CCDC81: variants seen among roughly 807,000 people sequenced by gnomAD.
CCDC81 encodes the protein coiled-coil domain containing 81.
CCDC81 carries 79 observed loss-of-function variants against 83.7 expected under a neutral mutation model. The observed-to-expected ratio is 0.94, with a 90% confidence interval of 0.79 to 1.14. The LOEUF is 1.14. CCDC81 is among the 50% of genes most tolerant of loss of function. CCDC81 has a pLI of 0.00. For synonymous variants in CCDC81, 252 were observed against 278.1 expected (o/e 0.91, Z 0.93); for missense variants, 791 against 778.1 (o/e 1.02, Z -0.20).
chr11:86,392,982 C>T (rs2138510793), intron 4 of CCDC81, among the ~76,000 whole-genome samples, 185 bp downstream of exon 4: 1 of 152,308 alleles, frequency 6.6e-6, no homozygotes, highest in South Asian at 2.1e-4. Flanking sequence ...GGCAAAGGAA[C>T]ATTAAGAATC....
chr11:86,419,893 A>T, intron 13 of CCDC81, 35 bp from the exon 14 acceptor site: 1 of 1,572,396 alleles, frequency 6.4e-7, no homozygotes, highest in South Asian at 1.2e-5. Flanking sequence ...TGCTCTTCCA[A>T]GTATTATGGA....
At chr11:86,420,240 G>A (rs988888173) in intron 14 of CCDC81, among the ~76,000 whole-genome samples, 187 bp downstream of exon 14, 1 of 152,202 alleles carries the variant, frequency 6.6e-6, no homozygotes, top group African/African-American at 2.4e-5. Context: ...ATTGGAGAAT[G>A]CTGAGTTGTA....
intron 7 of CCDC81, among the ~76,000 whole-genome samples, chr11:86,402,093 C>CCA (rs1401525063): frequency 1.4e-5 from 2 of 145,572 alleles, no homozygotes; most frequent in Admixed American, 1.4e-4. Context: ...CAAGATAGTG[C>CCA]CACTGCTCTC....
At chr11:86,387,063 CAT>C (rs1464933798) in intron 2 of CCDC81, among the ~76,000 whole-genome samples, 2 of 152,216 alleles carry the variant, frequency 1.3e-5, no homozygotes, top group Non-Finnish European at 2.9e-5. Context: ...AGGATCACTA[CAT>C]TGCAGCATAT....
At chr11:86,414,937 G>A in intron 12 of CCDC81, 70 bp downstream of exon 12, 1 of 1,430,494 alleles carries the variant, frequency 7.0e-7, no homozygotes, top group Non-Finnish European at 9.6e-7. Context: ...ATATGTGTAA[G>A]TTGTTACGAA....
intron 1 of CCDC81, among the ~76,000 whole-genome samples, chr11:86,383,443 A>G (rs1289823262): frequency 1.3e-5 from 2 of 152,214 alleles, no homozygotes; most frequent in Non-Finnish European, 2.9e-5. Context: ...ATTTTTAAAT[A>G]ATGATCATAT....
intron 4 of CCDC81, among the ~76,000 whole-genome samples, chr11:86,394,097 A>T (rs1948370915): frequency 6.6e-6 from 1 of 152,224 alleles, no homozygotes; most frequent in African/African-American, 2.4e-5. Flanking sequence ...CATGCAGGAA[A>T]AACCCTTGCT....
In CCDC81 at chr11:86,408,197, G is replaced by C; in HGVS notation, c.1040G>C (p.Arg347Thr). 3 of 1,614,070 alleles carry C rather than the reference G, an allele frequency of 1.9e-6. No homozygotes were observed. Among genetic ancestry groups the C allele is most frequent in the Non-Finnish European group, 2.5e-6 (3 of 1,179,960 alleles). Residue 347 changes from arginine to threonine, a missense_variant, in exon 9 of 15, where the codon AGA becomes ACA. By Grantham distance (71) the Arg-to-Thr change is moderately conservative. Transcript: ENST00000445632. ...SLLYYSEERR[R>T]EIEDERLIQQ... is the part of the protein sequence containing the mutation. Reference sequence around the variant, plus strand: ...TTGTACTACAGTGAGGAAAGGAGGAGAGAGATAGAAGATGAGAGACTCATA... The same window carrying C: ...TTGTACTACAGTGAGGAAAGGAGGACAGAGATAGAAGATGAGAGACTCATA...
chr11:86,420,717 G>T (rs1948778431), intron 14 of CCDC81, among the ~76,000 whole-genome samples: 1 of 152,216 alleles, frequency 6.6e-6, no homozygotes, highest in African/African-American at 2.4e-5. Flanking sequence ...GATAAAATTT[G>T]TAGAATGGAT....
intron 1 of CCDC81, among the ~76,000 whole-genome samples, chr11:86,375,927 G>T (rs1184413564): frequency 2.0e-5 from 3 of 152,182 alleles, no homozygotes; most frequent in East Asian, 3.9e-4. Flanking sequence ...CCAAATGACC[G>T]CAGAAAACAA....
At chr11:86,385,258 G>A (rs370704670) in intron 1 of CCDC81, among the ~76,000 whole-genome samples, 33 of 152,214 alleles carry the variant, frequency 2.2e-4, no homozygotes, top group African/African-American at 2.9e-4. Flanking sequence ...GGTGGCTGGC[G>A]CCTGTAATCT....
At chr11:86,420,310 C>T (rs1317779852) in intron 14 of CCDC81, among the ~76,000 whole-genome samples, 1 of 152,072 alleles carries the variant, frequency 6.6e-6, no homozygotes, top group African/African-American at 2.4e-5. Flanking sequence ...GCTTTATTTG[C>T]TTTTTGTGGA....
intron 3 of CCDC81, among the ~76,000 whole-genome samples, chr11:86,388,123 A>G (rs141780896): frequency 1.3e-5 from 2 of 152,328 alleles, no homozygotes; most frequent in East Asian, 1.9e-4. Flanking sequence ...GAATAATTCT[A>G]TAAAGACTTA....
chr11:86,392,666 C>T lies in CCDC81; in HGVS notation c.424C>T (p.Gln142Ter). The change falls in exon 4 of 15, where the codon CAA becomes TAA. Residue 142 changes from glutamine (Q) to a stop codon, truncating the protein, a stop_gained. Transcript: ENST00000445632. LOFTEE classifies it high-confidence loss of function. ...LFLSRSISMK[Q>*]NVEFTFKGIG... ...TTTATCGCGTTCCATTTCCATGAAA[C>T]AAAATGTGGAGTTTACATTCAAAGG... The T allele has an allele frequency of 1.3e-6, 2 of 1,551,620 alleles. No homozygotes were observed. The highest frequency in any genetic ancestry group is 1.7e-6 in the Non-Finnish European group (2 of 1,146,954).
intron 1 of CCDC81, among the ~76,000 whole-genome samples, chr11:86,375,655 T>A (rs1051893379): frequency 6.6e-6 from 1 of 152,146 alleles, no homozygotes; most frequent in Non-Finnish European, 1.5e-5. Context: ...TTTGACATCA[T>A]GCCGTTGTAT....
intron 10 of CCDC81, 73 bp downstream of exon 10, chr11:86,409,438 C>A: frequency 1.5e-6 from 1 of 653,882 alleles, no homozygotes; most frequent in South Asian, 2.7e-5. Context: ...CCCTGTGTTG[C>A]AGGTTGTGCC....
intron 1 of CCDC81, among the ~76,000 whole-genome samples, chr11:86,382,248 G>C (rs1353013574): frequency 6.6e-6 from 1 of 152,146 alleles, no homozygotes; most frequent in Non-Finnish European, 1.5e-5. Context: ...ATGAATAGGA[G>C]GGTCAAGAAT....
chr11:86,402,430 C>T (rs776833009), intron 7 of CCDC81, among the ~76,000 whole-genome samples: 1 of 152,150 alleles, frequency 6.6e-6, no homozygotes, highest in Non-Finnish European at 1.5e-5. Context: ...TTCCCCATGA[C>T]ATTAAATATT....
chr11:86,383,719 C>T (rs975498308), intron 1 of CCDC81, among the ~76,000 whole-genome samples: 10 of 152,172 alleles, frequency 6.6e-5, no homozygotes, highest in Admixed American at 2.0e-4. Context: ...TTAATGATAT[C>T]CTCTCTGACT....
Sources: gnomAD v4.1 joint callset for allele counts (sites outside exome capture counted in the v4.1 genomes callset) on GRCh38, gnomAD v4.1.1 for gene constraint, MANE v1.5 for transcripts, NCBI Gene and HGNC (gene_info 2026-07-23, HGNC 2026-07-21) for gene names.